LARP4: variants seen among roughly 807,000 people sequenced by gnomAD.
LARP4 encodes the protein La ribonucleoprotein 4, also known as la-related protein 4.
Under a neutral mutation model 92.9 loss-of-function variants are expected in LARP4, and 29 were observed. The ratio of observed to expected loss-of-function variants is 0.31; its 90% CI spans 0.23 to 0.43. The LOEUF is 0.43. Among genes scored for constraint, LARP4 ranks in the 20% least tolerant of loss-of-function variants. The probability of loss-of-function intolerance (pLI) is 1.00; values close to 1 mark genes in which losing one functional copy is unlikely to be tolerated. For missense variants in LARP4, 732 were observed against 860.0 expected (o/e 0.85, Z 1.86); for synonymous variants, 279 against 284.1 (o/e 0.98, Z 0.18).
At position 50,462,635 on chromosome 12, in the gene LARP4, GT is replaced by G. The variant is rs780015029; in HGVS notation, c.1383+11del. On this transcript the variant is annotated splice_donor_region_variant and intron_variant, in intron 12 of 15. Transcript: ENST00000398473. ...CGAGAAGATGACAGGATCTCAGTAAGTTTTTTAAAACTTTTATTCAGACTTT... is the reference window on the plus strand; with the variant it reads ...CGAGAAGATGACAGGATCTCAGTAAGTTTTTAAAACTTTTATTCAGACTTT... The G allele has an allele frequency of 1.5e-6, 2 of 1,337,000 alleles. No individual in the cohort carries two copies. Among genetic ancestry groups the G allele is most frequent in the East Asian group, 4.7e-5 (1 of 21,318 alleles). The allele number at this position is 1,337,000 out of a possible 1,614,324, so 82.8% of individuals were successfully genotyped here.
chr12:50,474,795 T>G (rs1188465122), intron 15 of LARP4, among the ~76,000 whole-genome samples: 1 of 152,224 alleles, frequency 6.6e-6, no homozygotes, highest in African/African-American at 2.4e-5. Flanking sequence ...ATGTGATACT[T>G]AACAAGTCTA....
intron 8 of LARP4, among the ~76,000 whole-genome samples, chr12:50,446,907 T>G (rs1952299118): frequency 6.6e-6 from 1 of 152,166 alleles, no homozygotes; most frequent in African/African-American, 2.4e-5. Flanking sequence ...TTCTTATTGT[T>G]TGACTGATTG....
At chr12:50,441,100 G>A (rs759905993) in intron 7 of LARP4, among the ~76,000 whole-genome samples, 1 of 151,950 alleles carries the variant, frequency 6.6e-6, no homozygotes, top group Non-Finnish European at 1.5e-5. Context: ...GGTCAGGCCG[G>A]TCTCAAACTC....
At chr12:50,425,330 C>T (rs914568971) in intron 1 of LARP4, among the ~76,000 whole-genome samples, 3 of 152,016 alleles carry the variant, frequency 2.0e-5, no homozygotes, top group Non-Finnish European at 2.9e-5. Context: ...TGTATTTATT[C>T]GGATTTAATG....
chr12:50,454,257 C>G, intron 9 of LARP4, 57 bp from the exon 10 acceptor site: 1 of 1,315,232 alleles, frequency 7.6e-7, no homozygotes, highest in South Asian at 1.3e-5. Flanking sequence ...TCTTGTGACC[C>G]TCACACCAGA....
At chr12:50,423,210 A>T (rs1168027372) in intron 1 of LARP4, among the ~76,000 whole-genome samples, 1 of 152,082 alleles carries the variant, frequency 6.6e-6, no homozygotes, top group Non-Finnish European at 1.5e-5. Flanking sequence ...CCTTTAAAAA[A>T]TTTTTATTTT....
intron 10 of LARP4, among the ~76,000 whole-genome samples, chr12:50,457,201 C>CT (rs780762988): frequency 0.031 from 3,663 of 119,160 alleles, 115 homozygotes; most frequent in Middle Eastern, 0.059. Flanking sequence ...CATACCCGGC[C>CT]TTTTTTTTTT....
chr12:50,418,638 C>G (rs545514611), intron 1 of LARP4, among the ~76,000 whole-genome samples: 1 of 152,192 alleles, frequency 6.6e-6, no homozygotes, highest in African/African-American at 2.4e-5. Flanking sequence ...CCAGGCTGGT[C>G]TCGAACTCCT....
chr12:50,451,766 G>T (rs1489235280), intron 8 of LARP4, among the ~76,000 whole-genome samples: 2 of 152,164 alleles, frequency 1.3e-5, no homozygotes, highest in Admixed American at 6.5e-5. Flanking sequence ...GAACCTAGGA[G>T]GTGGAGGTTG....
chr12:50,423,338 C>G (rs1477309018), intron 1 of LARP4, among the ~76,000 whole-genome samples: 1 of 152,164 alleles, frequency 6.6e-6, no homozygotes, highest in Non-Finnish European at 1.5e-5. Flanking sequence ...TTTAACTTCA[C>G]TTACACAGTT....
chr12:50,425,069 C>G (rs1054448173), intron 1 of LARP4, among the ~76,000 whole-genome samples: 1 of 152,074 alleles, frequency 6.6e-6, no homozygotes. Flanking sequence ...ATAGCTTGAA[C>G]CCAGGATGAG....
In LARP4 at chr12:50,477,334, A is replaced by C. The variant is rs1465385267; in HGVS notation, c.*1470A>C. 1 of 152,552 alleles carries C rather than the reference A, an allele frequency of 6.6e-6. No individual in the cohort carries two copies. The highest frequency in any genetic ancestry group is 1.5e-5 in the Non-Finnish European group (1 of 67,998). 9.4% of individuals were successfully genotyped at this position (152,552 alleles called of 1,614,324 possible). ...CTGTTTTAAGTCATACCATGTTCAG[A>C]GTTCTATGTAAGGTGGGTTTTATTT... On this transcript the variant is annotated 3_prime_UTR_variant, in exon 16 of 16. Coordinates refer to ENST00000398473, the MANE Select transcript of LARP4 (RefSeq NM_052879.5).
chr12:50,400,958 T>G lies in LARP4; in HGVS notation c.-53T>G. ...TCCTAGCAATTGGGGCGCGGGCCTG[T>G]GAGCCAGTTGGAGTTGCGGCGGCGG... is the stretch of plus-strand genomic sequence containing the variant. On this transcript the variant is annotated 5_prime_UTR_variant, in exon 1 of 16. Coordinates refer to ENST00000398473, the MANE Select transcript of LARP4 (RefSeq NM_052879.5). 6.2e-7 allele frequency: 1 copy of G among 1,613,936 alleles called. No homozygotes were observed. Among genetic ancestry groups the G allele is most frequent in the Non-Finnish European group, 8.5e-7 (1 of 1,179,854 alleles).
chr12:50,401,991 G>A (rs1943936769), intron 1 of LARP4, among the ~76,000 whole-genome samples: 1 of 152,072 alleles, frequency 6.6e-6, no homozygotes, highest in Admixed American at 6.6e-5. Flanking sequence ...TTGTGAAAAC[G>A]TCAAACCAGC....
intron 8 of LARP4, among the ~76,000 whole-genome samples, chr12:50,453,096 G>C: frequency 7.9e-6 from 1 of 125,920 alleles, no homozygotes; most frequent in African/African-American, 3.0e-5. Flanking sequence ...TTTTTTCCTT[G>C]TAAGGGATGG....
chr12:50,446,797 A>AGT (rs1190011839), intron 8 of LARP4, among the ~76,000 whole-genome samples: 1 of 152,064 alleles, frequency 6.6e-6, no homozygotes, highest in Non-Finnish European at 1.5e-5. Flanking sequence ...TTAACATTAA[A>AGT]GTGTACTATA....
At chr12:50,417,358 G>T (rs1946996609) in intron 1 of LARP4, among the ~76,000 whole-genome samples, 1 of 150,174 alleles carries the variant, frequency 6.7e-6, no homozygotes. Flanking sequence ...CTGGGTGACA[G>T]AGCAAAACTC....
chr12:50,435,646 C>A, intron 5 of LARP4, 22 bp downstream of exon 5: 3 of 1,507,176 alleles, frequency 2.0e-6, no homozygotes, highest in Non-Finnish European at 2.7e-6. Flanking sequence ...TACCTTTTAG[C>A]TTTTTTTTTA....
In LARP4 at chr12:50,440,429, T is replaced by C. The variant is rs377035603; in HGVS notation, c.640-10T>C. The C allele has an allele frequency of 1.9e-5, 30 of 1,602,922 alleles. No homozygotes were observed. The African/African-American group carries it at 3.3e-4, about 18-fold the overall frequency. ...TTTTTAGAGTTAACTAATTTTCTTTTTCTTTTTAGGAAGTGAAAGGTTTGT... is the reference window on the plus strand; with the variant it reads ...TTTTTAGAGTTAACTAATTTTCTTTCTCTTTTTAGGAAGTGAAAGGTTTGT... On this transcript the variant is annotated splice_polypyrimidine_tract_variant and intron_variant, in intron 6 of 15. Transcript: ENST00000398473.
Sources: gnomAD v4.1 joint callset for allele counts (sites outside exome capture counted in the v4.1 genomes callset) on GRCh38, gnomAD v4.1.1 for gene constraint, MANE v1.5 for transcripts, NCBI Gene and HGNC (gene_info 2026-07-23, HGNC 2026-07-21) for gene names.